The following CSMD1 variants were observed in gnomAD, a reference collection of about 807,000 sequenced individuals.
CSMD1 encodes the protein CUB and Sushi multiple domains 1.
A neutral mutation model predicts 417.5 loss-of-function variants in CSMD1; 213 were observed. The observed-to-expected ratio is 0.51, with a 90% CI of 0.46 to 0.57. The LOEUF is 0.57. Ranked by LOEUF, CSMD1 falls within the 20% of genes least tolerant of loss-of-function variation. The probability of loss-of-function intolerance (pLI) is 0.00; values close to 1 mark genes in which losing one functional copy is unlikely to be tolerated. For synonymous variants in CSMD1, 2,862 were observed against 1,736.8 expected (o/e 1.65, Z -16.11); for missense variants, 6,923 against 4,529.7 (o/e 1.53, Z -15.17).
intron 26 of CSMD1, among the ~76,000 whole-genome samples, chr8:3,230,960 G>A (rs532132209): frequency 2.6e-5 from 4 of 152,276 alleles, no homozygotes; most frequent in Admixed American, 6.5e-5. Flanking sequence ...GGCCACTGGA[G>A]CCTTATCATA....
At position 3,259,112 on chromosome 8, in the gene CSMD1, G is replaced by T. The variant is rs191531152; in HGVS notation, c.4153+25032C>A. ...CAGGTATCTTAACCACAGCTTTTATGACAAGACAAATTATTATTCCAAGGG... is the reference window on the plus strand; with the variant it reads ...CAGGTATCTTAACCACAGCTTTTATTACAAGACAAATTATTATTCCAAGGG... On this transcript the variant is annotated intron_variant, in intron 26 of 69. Coordinates refer to ENST00000635120, the MANE Select transcript of CSMD1 (RefSeq NM_033225.6). Among the ~76,000 whole-genome samples, 434 of 152,284 alleles carry T rather than the reference G, an allele frequency of 2.8e-3. 1 individual carries two copies. Among genetic ancestry groups the T allele is most frequent in the African/African-American group, 9.9e-3 (413 of 41,548 alleles).
At chr8:4,193,485 G>T (rs1180999821) in intron 3 of CSMD1, among the ~76,000 whole-genome samples, 2 of 152,096 alleles carry the variant, frequency 1.3e-5, no homozygotes, top group Admixed American at 1.3e-4. Flanking sequence ...GGACATTAGG[G>T]AAGGTGACGA....
In CSMD1 at chr8:3,387,475, C is replaced by G. The variant is rs1469838498; in HGVS notation, c.2782+19G>C. 7.6e-6 allele frequency: 12 copies of G among 1,577,452 alleles called. No homozygotes were observed. Among genetic ancestry groups the G allele is most frequent in the African/African-American group, 5.4e-5 (4 of 74,220 alleles). On this transcript the variant is annotated intron_variant, in intron 18 of 69. Coordinates refer to ENST00000635120, the MANE Select transcript of CSMD1 (RefSeq NM_033225.6). ...TCTGCACACCCTGCTGGTGCATTGCCTCACTGAGCTGTACCTACCGTCGCA... is the reference window on the plus strand; with the variant it reads ...TCTGCACACCCTGCTGGTGCATTGCGTCACTGAGCTGTACCTACCGTCGCA...
chr8:4,329,881 C>G (rs1340032828), intron 3 of CSMD1, among the ~76,000 whole-genome samples: 8 of 147,984 alleles, frequency 5.4e-5, no homozygotes, highest in Admixed American at 2.1e-4. Context: ...CACAGACACA[C>G]ACACTCTTTC....
At chr8:4,436,954 G>A (rs985675381) in intron 2 of CSMD1, among the ~76,000 whole-genome samples, 1 of 152,120 alleles carries the variant, frequency 6.6e-6, no homozygotes, top group South Asian at 2.1e-4. Flanking sequence ...ATCTTACCTA[G>A]AGTGTACAGT....
intron 7 of CSMD1, among the ~76,000 whole-genome samples, chr8:3,663,211 G>A (rs879742549): frequency 6.6e-6 from 1 of 152,106 alleles, no homozygotes; most frequent in Non-Finnish European, 1.5e-5. Context: ...GAACAACAAA[G>A]ATATTTTTAA....
chr8:3,971,997 C>T (rs1813123567), intron 5 of CSMD1, among the ~76,000 whole-genome samples: 1 of 151,994 alleles, frequency 6.6e-6, no homozygotes, highest in African/African-American at 2.4e-5. Context: ...GCCTTGACCT[C>T]CCAGGCTCAA....
At chr8:4,064,587 A>G (rs1585235963) in intron 3 of CSMD1, among the ~76,000 whole-genome samples, 1 of 152,180 alleles carries the variant, frequency 6.6e-6, no homozygotes, top group Non-Finnish European at 1.5e-5. Flanking sequence ...CTGTCATACA[A>G]CTGCCGTTTC....
chr8:3,517,091 G>A (rs1046694483), intron 10 of CSMD1, among the ~76,000 whole-genome samples: 3 of 152,168 alleles, frequency 2.0e-5, no homozygotes, highest in Non-Finnish European at 2.9e-5. Flanking sequence ...GGCATCTGGC[G>A]GCCTTCTCAG....
At chr8:4,525,896 G>C (rs1331015014) in intron 2 of CSMD1, among the ~76,000 whole-genome samples, 2 of 152,146 alleles carry the variant, frequency 1.3e-5, no homozygotes, top group Non-Finnish European at 2.9e-5. Flanking sequence ...TTTATTGAAT[G>C]ATAAGTGCAG....
rs537167550 is a variant in CSMD1, at chr8:4,977,965, A to G, written c.85+16367T>C. Reference sequence around the variant, plus strand: ...CTATTTGTTGCTGAGGGTCCTGCACAGGTGCTGTATTTACGAGGTTTCCCT... The same window carrying G: ...CTATTTGTTGCTGAGGGTCCTGCACGGGTGCTGTATTTACGAGGTTTCCCT... On this transcript the variant is annotated intron_variant, in intron 1 of 69. Coordinates refer to ENST00000635120, the MANE Select transcript of CSMD1 (RefSeq NM_033225.6). 2.6e-5 allele frequency among the ~76,000 whole-genome samples: 4 copies of G among 152,310 alleles called. No homozygotes were observed. The East Asian group carries it at 5.8e-4, about 22-fold the overall frequency.
chr8:3,199,651 G>C (rs1796885247), intron 33 of CSMD1, 63 bp downstream of exon 33: 1 of 1,063,126 alleles, frequency 9.4e-7, no homozygotes, highest in South Asian at 1.8e-5. Context: ...TCTGAGACTA[G>C]CCGTGGGTGC....
At chr8:4,135,388 G>A (rs1348334509) in intron 3 of CSMD1, among the ~76,000 whole-genome samples, 15 of 112,470 alleles carry the variant, frequency 1.3e-4, no homozygotes, top group African/African-American at 5.2e-4. Context: ...GAAAGAGGGG[G>A]AAGGAAGGGG....
chr8:4,284,426 C>A (rs1188280734), intron 3 of CSMD1, among the ~76,000 whole-genome samples: 2 of 132,316 alleles, frequency 1.5e-5, no homozygotes, highest in South Asian at 2.6e-4. Context: ...ACAAACACTG[C>A]GGGAGGGTAC....
intron 3 of CSMD1, among the ~76,000 whole-genome samples, chr8:4,292,011 T>C (rs372136756): frequency 2.0e-5 from 3 of 152,130 alleles, no homozygotes; most frequent in Non-Finnish European, 2.9e-5. Context: ...GTTTGTTGCA[T>C]AGATCCATTA....
intron 5 of CSMD1, among the ~76,000 whole-genome samples, chr8:3,767,028 C>G (rs976317429): frequency 6.6e-6 from 1 of 152,192 alleles, no homozygotes; most frequent in African/African-American, 2.4e-5. Flanking sequence ...TATGAGCTCT[C>G]ATAACTCCGG....
At chr8:4,008,304 T>G (rs1303809110) in intron 4 of CSMD1, among the ~76,000 whole-genome samples, 1 of 152,096 alleles carries the variant, frequency 6.6e-6, no homozygotes, top group East Asian at 1.9e-4. Flanking sequence ...ATAGTTATTC[T>G]GTTCAATTTT....
At chr8:3,822,777 A>C (rs923533725) in intron 5 of CSMD1, among the ~76,000 whole-genome samples, 13 of 152,134 alleles carry the variant, frequency 8.5e-5, no homozygotes, top group African/African-American at 2.4e-4. Context: ...GAATAAAGAG[A>C]GGATGGATAG....
chr8:3,961,421 A>C (rs1812311060), intron 5 of CSMD1, among the ~76,000 whole-genome samples: 1 of 152,206 alleles, frequency 6.6e-6, no homozygotes, highest in Non-Finnish European at 1.5e-5. Context: ...CCCAAGTGCC[A>C]AATATTCCCA....
Sources: gnomAD v4.1 joint callset for allele counts (sites outside exome capture counted in the v4.1 genomes callset) on GRCh38, gnomAD v4.1.1 for gene constraint, MANE v1.5 for transcripts, NCBI Gene and HGNC (gene_info 2026-07-23, HGNC 2026-07-21) for gene names.